IFT88: variants seen among roughly 807,000 people sequenced by gnomAD.
IFT88 encodes the protein intraflagellar transport protein 88 homolog.
A neutral mutation model predicts 119.5 loss-of-function variants in IFT88; 74 were observed. That is an observed-to-expected ratio of 0.62 (90% CI 0.51 to 0.75). The LOEUF (loss-of-function observed/expected upper bound fraction) is 0.75, where lower values mean the gene tolerates loss of function less well. Ranked by LOEUF, IFT88 falls within the 30% of genes least tolerant of loss-of-function variation. The pLI is 0.00. For synonymous variants in IFT88, 279 were observed against 316.7 expected, an observed-to-expected ratio of 0.88 and a Z score of 1.26; for missense variants, 961 against 977.7, an observed-to-expected ratio of 0.98 and a Z score of 0.23.
intron 1 of IFT88, among the ~76,000 whole-genome samples, chr13:20,569,319 A>T (rs2035712952): frequency 6.6e-6 from 1 of 151,864 alleles, no homozygotes; most frequent in Admixed American, 6.6e-5. Flanking sequence ...CACGCCTGTA[A>T]TCCCAGCACT....
intron 15 of IFT88, among the ~76,000 whole-genome samples, chr13:20,627,700 T>G (rs2047559126): frequency 7.5e-6 from 1 of 133,422 alleles, no homozygotes; most frequent in South Asian, 2.4e-4. Context: ...CACTGCACTC[T>G]GGCCTGAGTG....
chr13:20,602,419 G>A (rs993583194), intron 12 of IFT88, among the ~76,000 whole-genome samples: 2 of 151,910 alleles, frequency 1.3e-5, no homozygotes, highest in African/African-American at 4.8e-5. Flanking sequence ...TGCCCAGGCT[G>A]GTCTTGAACT....
intron 24 of IFT88, among the ~76,000 whole-genome samples, chr13:20,679,619 T>A (rs9552257): frequency 6.6e-6 from 1 of 152,212 alleles, no homozygotes; most frequent in African/African-American, 2.4e-5. Flanking sequence ...ACAAGTCATA[T>A]GATGATTAGG....
At position 20,582,986 on chromosome 13, in the gene IFT88, A is replaced by G. The variant is rs2038986078; in HGVS notation, c.120A>G (p.Gln40=). The G allele has an allele frequency of 1.9e-6, 3 of 1,612,946 alleles. No individual in the cohort carries two copies. Among genetic ancestry groups the G allele is most frequent in the Non-Finnish European group, 1.7e-6 (2 of 1,179,300 alleles). Residue 40 remains glutamine (Q), a synonymous_variant, in exon 3 of 26, where the codon CAA becomes CAG. Coordinates refer to ENST00000351808, the MANE Select transcript of IFT88 (RefSeq NM_006531.5). ...TGGAGAATGATGCAGCTTTTCAGCAAGCTGTGAGGACTAGTCATGGCAGAA... is the reference window on the plus strand; with the variant it reads ...TGGAGAATGATGCAGCTTTTCAGCAGGCTGTGAGGACTAGTCATGGCAGAA... ...EELENDAAFQ[Q]AVRTSHGRRP...
At chr13:20,634,735 CAA>C (rs377403226) in intron 16 of IFT88, among the ~76,000 whole-genome samples, 6 of 125,804 alleles carry the variant, frequency 4.8e-5, no homozygotes, top group African/African-American at 2.9e-5. Flanking sequence ...CTCAAACAAA[CAA>C]AAAAAAAAAA....
At chr13:20,676,927 G>A (rs1387597711) in intron 24 of IFT88, among the ~76,000 whole-genome samples, 1 of 151,918 alleles carries the variant, frequency 6.6e-6, no homozygotes, top group African/African-American at 2.4e-5. Context: ...ATATACGTGT[G>A]TGCTCATACA....
chr13:20,671,185 G>A, intron 24 of IFT88, 146 bp downstream of exon 24: 3 of 523,818 alleles, frequency 5.7e-6, no homozygotes, highest in Non-Finnish European at 6.7e-6. Context: ...AATTAATTTG[G>A]TAAGCAGTCA....
At chr13:20,586,090 A>G (rs115902519) in intron 3 of IFT88, among the ~76,000 whole-genome samples, 1,890 of 152,284 alleles carry the variant, frequency 0.012, 44 homozygotes, top group African/African-American at 0.043. Context: ...GTGGGCCTTC[A>G]AAAGATCTTT....
At chr13:20,592,551 C>T in intron 7 of IFT88, 147 bp downstream of exon 7, 1 of 568,496 alleles carries the variant, frequency 1.8e-6, no homozygotes, top group Middle Eastern at 4.1e-4. Flanking sequence ...CTCACTGCAA[C>T]CTTCATCTCC....
At chr13:20,639,278 C>T (rs568255154) in intron 17 of IFT88, among the ~76,000 whole-genome samples, 1 of 152,256 alleles carries the variant, frequency 6.6e-6, no homozygotes, top group Non-Finnish European at 1.5e-5. Flanking sequence ...TGGGCTGTCT[C>T]CTGGTATTCA....
Position 20,691,308 on chromosome 13 carries a change from G to A in IFT88, c.*133G>A. ...AACTTAAGTAAGTGTATTCTATTCT[G>A]TATGTATGCATTTAAGTTGTTTTTT... is the stretch of plus-strand genomic sequence containing the variant. On this transcript the variant is annotated 3_prime_UTR_variant, in exon 26 of 26. Coordinates refer to ENST00000351808, the MANE Select transcript of IFT88 (RefSeq NM_006531.5). 1.3e-6 allele frequency: 1 copy of A among 756,148 alleles called. No individual in the cohort carries two copies. The allele number at this position is 756,148 out of a possible 1,614,324, so 46.8% of individuals were successfully genotyped here. A position where few individuals can be genotyped will look rare whatever the true frequency, so the allele number is the denominator to read the frequency against.
chr13:20,615,699 G>A, intron 13 of IFT88, 94 bp from the exon 14 acceptor site: 1 of 625,928 alleles, frequency 1.6e-6, no homozygotes, highest in Non-Finnish European at 2.7e-6. Context: ...TGGTATGTTA[G>A]TTTTGATAGA....
intron 20 of IFT88, among the ~76,000 whole-genome samples, chr13:20,647,453 A>G (rs1174230968): frequency 1.3e-5 from 2 of 152,224 alleles, no homozygotes; most frequent in Non-Finnish European, 2.9e-5. Context: ...ATATAGTTGA[A>G]TTAAATTAAA....
rs1220758025 is a variant in IFT88 at position 20,688,179 on chromosome 13, T to TACA, written c.2243-2515_2243-2513dup. On this transcript the variant is annotated intron_variant, in intron 24 of 25. Transcript: ENST00000351808. ...GGTGAAACCCCGTCTCTACTAAAAA[T>TACA]ACAACAACAACAAAAAAATTAGCCG... Among the ~76,000 whole-genome samples the TACA allele has an allele frequency of 2.6e-5, 4 of 152,068 alleles. No individual in the cohort carries two copies. The South Asian group carries it at 8.3e-4, about 32-fold the overall frequency.
At chr13:20,643,913 G>A (rs1002222476) in intron 19 of IFT88, among the ~76,000 whole-genome samples, 3 of 151,976 alleles carry the variant, frequency 2.0e-5, no homozygotes, top group Non-Finnish European at 2.9e-5. Context: ...GCCACCACGT[G>A]CAGCTAATTT....
intron 22 of IFT88, among the ~76,000 whole-genome samples, chr13:20,658,020 A>C (rs2053148624): frequency 6.6e-6 from 1 of 152,144 alleles, no homozygotes; most frequent in Non-Finnish European, 1.5e-5. Flanking sequence ...GCTGATTAGA[A>C]GTAGACTCAT....
intron 1 of IFT88, among the ~76,000 whole-genome samples, chr13:20,570,636 A>G (rs2036154631): frequency 6.6e-6 from 1 of 151,756 alleles, no homozygotes. Flanking sequence ...TAATTTCCTT[A>G]ATATGAAATG....
At chr13:20,689,719 AC>A (rs1293320548) in intron 24 of IFT88, among the ~76,000 whole-genome samples, 2 of 152,012 alleles carry the variant, frequency 1.3e-5, no homozygotes, top group African/African-American at 2.4e-5. Context: ...CTTATCTTAA[AC>A]CTTTTTGGAG....
At chr13:20,648,574 TCAA>T (rs1387997120) in intron 20 of IFT88, among the ~76,000 whole-genome samples, 5 of 151,202 alleles carry the variant, frequency 3.3e-5, no homozygotes, top group African/African-American at 1.2e-4. Context: ...CTAAAAAAAA[TCAA>T]CAAAATACCA....
Sources: gnomAD v4.1 joint callset for allele counts (sites outside exome capture counted in the v4.1 genomes callset) on GRCh38, gnomAD v4.1.1 for gene constraint, MANE v1.5 for transcripts, NCBI Gene and HGNC (gene_info 2026-07-23, HGNC 2026-07-21) for gene names.